GLI2: variants seen among roughly 807,000 people sequenced by gnomAD.
GLI2 encodes GLI family zinc finger 2, also known as transcription activator GLI2.
In GLI2, 22 loss-of-function variants were observed where a neutral mutation model predicts 78.9. That is an observed-to-expected ratio of 0.28 (90% confidence interval 0.20 to 0.40). The LOEUF (loss-of-function observed/expected upper bound fraction) is 0.40, where lower values mean the gene tolerates loss of function less well. Ranked by LOEUF, GLI2 falls within the 10% of genes least tolerant of loss-of-function variation. GLI2 has a pLI of 1.00. For synonymous variants in GLI2, 974 were observed against 963.7 expected (o/e 1.01, Z -0.20); for missense variants, 2,097 against 2,213.2 (o/e 0.95, Z 1.05).
intron 2 of GLI2, among the ~76,000 whole-genome samples, chr2:120,805,474 C>G (rs1645890476): frequency 6.6e-6 from 1 of 152,262 alleles, no homozygotes; most frequent in African/African-American, 2.4e-5. Context: ...TCACGGTTCA[C>G]TGTGAATGTT....
chr2:120,822,782 T>C (rs1434695207), intron 2 of GLI2, among the ~76,000 whole-genome samples: 1 of 152,120 alleles, frequency 6.6e-6, no homozygotes, highest in Admixed American at 6.5e-5. Context: ...CACACAAAAG[T>C]AACTCCCTGG....
chr2:120,980,347 T>C (rs922645667), intron 10 of GLI2, among the ~76,000 whole-genome samples: 2 of 152,236 alleles, frequency 1.3e-5, no homozygotes, highest in African/African-American at 4.8e-5. Flanking sequence ...TAAAGTAGTA[T>C]TTTATTGTGT....
At chr2:120,930,293 T>A (rs952424878) in intron 3 of GLI2, among the ~76,000 whole-genome samples, 14 of 152,352 alleles carry the variant, frequency 9.2e-5, no homozygotes, top group African/African-American at 3.1e-4. Flanking sequence ...TGCTTTTATG[T>A]GTTCATGCCG....
intron 3 of GLI2, among the ~76,000 whole-genome samples, chr2:120,939,397 G>A (rs548684591): frequency 2.8e-4 from 42 of 152,144 alleles, no homozygotes; most frequent in Non-Finnish European, 4.7e-4. Context: ...TTGAGGTCCC[G>A]TGTGCTCCCC....
intron 8 of GLI2, among the ~76,000 whole-genome samples, 185 bp downstream of exon 8, chr2:120,972,248 C>A (rs937598533): frequency 6.6e-6 from 1 of 152,246 alleles, no homozygotes; most frequent in African/African-American, 2.4e-5. Context: ...TCCCAGCACC[C>A]TGGACATACT....
In GLI2 at chr2:120,737,103, A is replaced by T. The variant is rs1305419146; in HGVS notation, c.-31+818A>T. Among the ~76,000 whole-genome samples, 1 of 151,986 alleles carries T rather than the reference A, an allele frequency of 6.6e-6. No homozygotes were observed. The highest frequency in any genetic ancestry group is 2.1e-4 in the South Asian group (1 of 4,822). ...AATCCACTACTGCAACTTGATCTGT[A>T]TGTGATGGATGGGGAGAGGCGCGGA... On this transcript the variant is annotated intron_variant, in intron 1 of 13. Coordinates refer to ENST00000361492, the MANE Select transcript of GLI2 (RefSeq NM_001374353.1). The surrounding 1 kb of genome is among the most constrained non-coding windows in gnomAD (Gnocchi z 4.3).
At chr2:120,844,149 G>C (rs185651216) in intron 2 of GLI2, among the ~76,000 whole-genome samples, 1 of 152,284 alleles carries the variant, frequency 6.6e-6, no homozygotes, top group Admixed American at 6.5e-5. Context: ...GTCAGCACAC[G>C]TGTCTGTTAA....
At chr2:120,834,318 G>C (rs1376671522) in intron 2 of GLI2, among the ~76,000 whole-genome samples, 2 of 152,172 alleles carry the variant, frequency 1.3e-5, no homozygotes, top group African/African-American at 4.8e-5. Flanking sequence ...TTTGTGGAAG[G>C]GCTGGCAAGG....
chr2:120,881,744 A>G (rs1558854360), intron 2 of GLI2, among the ~76,000 whole-genome samples: 37 of 2,946 alleles, frequency 0.013, 1 homozygote, highest in Admixed American at 0.014. Context: ...TGCGGGGGAG[A>G]ACAGTGCGGA....
chr2:120,869,724 A>G (rs1268896633), intron 2 of GLI2, among the ~76,000 whole-genome samples: 3 of 152,364 alleles, frequency 2.0e-5, no homozygotes, highest in African/African-American at 4.8e-5. Flanking sequence ...TAAAGCACCA[A>G]TGAAATCAAA....
intron 2 of GLI2, among the ~76,000 whole-genome samples, chr2:120,919,584 G>A (rs201537623): frequency 6.6e-6 from 1 of 152,230 alleles, no homozygotes; most frequent in African/African-American, 2.4e-5. Context: ...GGGCCCACCC[G>A]GTGGGTGCAA....
rs866835072 is a variant in GLI2 at position 120,989,364 on chromosome 2, C to T, written c.3399C>T (p.Ser1133=). Residue 1133 remains serine (S), a synonymous_variant, in exon 14 of 14, where the codon AGC becomes AGT. Coordinates refer to ENST00000361492, the MANE Select transcript of GLI2 (RefSeq NM_001374353.1). ...NNMPVQWNEV[S]SGTVDALASQ... ...TGCCTGTGCAGTGGAATGAGGTGAG[C>T]TCCGGCACCGTAGACGCCCTGGCCA... 2 of 1,612,882 alleles carry T rather than the reference C, an allele frequency of 1.2e-6. No homozygotes were observed. The highest frequency in any genetic ancestry group is 1.3e-5 in the African/African-American group (1 of 74,944).
chr2:120,919,692 A>G (rs1679273658), intron 2 of GLI2, among the ~76,000 whole-genome samples: 1 of 152,250 alleles, frequency 6.6e-6, no homozygotes, highest in Non-Finnish European at 1.5e-5. Context: ...AACCCTCCAC[A>G]GCAACACTCA....
rs368384597 is a variant in GLI2 at position 120,953,734 on chromosome 2, A to G, written c.458-1511A>G. On this transcript the variant is annotated intron_variant, in intron 4 of 13. Transcript: ENST00000361492. ...GCTGGGCACAGTGGCTCATGCCTGT[A>G]ATTGGATTTTCGGAGGCCAGGTGGG... Among the ~76,000 whole-genome samples, 8 of 152,196 alleles carry G rather than the reference A, an allele frequency of 5.3e-5. No homozygotes were observed. In the East Asian group the frequency reaches 9.7e-4, roughly 18 times the overall value.
In GLI2 at chr2:120,933,144, G is replaced by A. The variant is rs143634409; in HGVS notation, c.254+5678G>A. Among the ~76,000 whole-genome samples, 1,364 of 152,260 alleles carry A rather than the reference G, an allele frequency of 9.0e-3. 16 individuals are homozygous for A. The highest frequency in any genetic ancestry group is 0.03 in the African/African-American group (1,249 of 41,538). The stretch of plus-strand genomic sequence containing the variant: ...ACCACCCGGCTGTAAACAGGCAGCT[G>A]CACGTGGGGAAGGCAGGGCATGGAG... On this transcript the variant is annotated intron_variant, in intron 3 of 13. Coordinates refer to ENST00000361492, the MANE Select transcript of GLI2 (RefSeq NM_001374353.1).
intron 2 of GLI2, among the ~76,000 whole-genome samples, chr2:120,813,509 T>C (rs912472410): frequency 3.3e-5 from 5 of 152,164 alleles, no homozygotes; most frequent in African/African-American, 1.2e-4. Context: ...CAGGTGTCGA[T>C]TGAAACTCTG....
intron 2 of GLI2, among the ~76,000 whole-genome samples, chr2:120,825,516 A>G (rs73949935): frequency 0.047 from 6,462 of 136,710 alleles, 461 homozygotes; most frequent in African/African-American, 0.17. Context: ...TGTGCACCTG[A>G]CTGTGAGTGT....
rs562689976 is a variant in GLI2 at position 120,958,868 on chromosome 2, TCTC to T, written c.643+3441_643+3443del. Reference sequence around the variant, plus strand: ...CCCCCAACTGGAACTGGCTGGGACTTCTCCTTACGTATGGCCGATGGCCCGCCC... The same window carrying T: ...CCCCCAACTGGAACTGGCTGGGACTTCTTACGTATGGCCGATGGCCCGCCC... On this transcript the variant is annotated intron_variant, in intron 5 of 13. Transcript: ENST00000361492. Among the ~76,000 whole-genome samples, 208 of 152,278 alleles carry T rather than the reference TCTC, an allele frequency of 1.4e-3. 1 individual carries two copies. Among genetic ancestry groups the T allele is most frequent in the African/African-American group, 4.7e-3 (197 of 41,558 alleles).
At chr2:120,838,756 T>C (rs1211156269) in intron 2 of GLI2, among the ~76,000 whole-genome samples, 5 of 152,388 alleles carry the variant, frequency 3.3e-5, no homozygotes, top group East Asian at 3.9e-4. Flanking sequence ...TTTCTAGGTT[T>C]AGACATGTTT....
Sources: gnomAD v4.1 joint callset for allele counts (sites outside exome capture counted in the v4.1 genomes callset) on GRCh38, gnomAD v4.1.1 for gene constraint, Gnocchi (gnomAD v3.1) non-coding constraint, MANE v1.5 for transcripts, NCBI Gene and HGNC (gene_info 2026-07-23, HGNC 2026-07-21) for gene names.